CSMD1: variants seen among roughly 807,000 people sequenced by gnomAD.
The protein encoded by CSMD1 is CUB and Sushi multiple domains 1, also known as CUB and sushi domain-containing protein 1.
Under a neutral mutation model 417.5 loss-of-function variants are expected in CSMD1, and 213 were observed. The observed-to-expected ratio is 0.51, with a 90% CI of 0.46 to 0.57. The LOEUF is 0.57. Among genes scored for constraint, CSMD1 ranks in the 20% least tolerant of loss-of-function variants. The probability of loss-of-function intolerance (pLI) is 0.00; values close to 1 mark genes in which losing one functional copy is unlikely to be tolerated. For missense variants in CSMD1, 6,923 were observed against 4,529.7 expected, an observed-to-expected ratio of 1.53 and a Z score of -15.17; for synonymous variants, 2,862 against 1,736.8, an observed-to-expected ratio of 1.65 and a Z score of -16.11.
intron 1 of CSMD1, among the ~76,000 whole-genome samples, chr8:4,650,490 G>T (rs1053851234): frequency 1.3e-5 from 2 of 151,862 alleles, no homozygotes; most frequent in Non-Finnish European, 2.9e-5. Context: ...CTGTGGGCAA[G>T]AAATCAAAGC....
chr8:3,334,573 A>G (rs925836426), intron 23 of CSMD1, among the ~76,000 whole-genome samples: 2 of 152,232 alleles, frequency 1.3e-5, no homozygotes, highest in Non-Finnish European at 2.9e-5. Context: ...CCACAGCTCC[A>G]TGCTTTAATT....
rs375605190 is a variant in CSMD1, at chr8:3,110,313, A to C, written c.6453T>G (p.Thr2151=). The C allele has an allele frequency of 8.4e-5, 135 of 1,611,974 alleles. 3 individuals carry two copies. The South Asian group carries it at 1.2e-3, about 15-fold the overall frequency. The part of the protein sequence containing the change: ...RCDAPCGYNV[T]SQNGTIYSPG... ...GGGAGTAGATGGTGCCGTTCTGAGAAGTTACGTTGTACCCACAAGGGGCTG... is the reference window on the plus strand; with the variant it reads ...GGGAGTAGATGGTGCCGTTCTGAGACGTTACGTTGTACCCACAAGGGGCTG... The change falls in exon 43 of 70, where the codon ACT becomes ACG. Residue 2151 remains threonine, a synonymous_variant. Coordinates refer to ENST00000635120, the MANE Select transcript of CSMD1 (RefSeq NM_033225.6).
chr8:3,168,225 T>C (rs1820355060), intron 37 of CSMD1, among the ~76,000 whole-genome samples: 1 of 152,154 alleles, frequency 6.6e-6, no homozygotes, highest in African/African-American at 2.4e-5. Flanking sequence ...AACGCCCAGG[T>C]AGACCATGAA....
chr8:3,914,478 G>A (rs943694607), intron 5 of CSMD1, among the ~76,000 whole-genome samples: 2 of 152,136 alleles, frequency 1.3e-5, no homozygotes, highest in Non-Finnish European at 2.9e-5. Context: ...CATGTTTTGA[G>A]TAAGGACAGT....
In CSMD1 at chr8:4,765,779, G is replaced by C. The variant is rs185643443; in HGVS notation, c.86-128221C>G. Among the ~76,000 whole-genome samples the C allele has an allele frequency of 3.1e-3, 467 of 152,272 alleles. 4 individuals are homozygous for C. Among genetic ancestry groups the C allele is most frequent in the African/African-American group, 0.011 (439 of 41,564 alleles). On this transcript the variant is annotated intron_variant, in intron 1 of 69. Transcript: ENST00000635120. ...TTATTGGGATAATTTCCATAATAGA[G>C]AGAGCCTGGGGGTTGATGAAAGGTA...
intron 3 of CSMD1, among the ~76,000 whole-genome samples, chr8:4,322,974 G>C (rs1339349505): frequency 1.3e-5 from 2 of 152,190 alleles, no homozygotes; most frequent in African/African-American, 4.8e-5. Flanking sequence ...GACAGAGCGA[G>C]ACTCCGTCTC....
intron 7 of CSMD1, among the ~76,000 whole-genome samples, chr8:3,642,410 C>G (rs928233934): frequency 6.6e-6 from 1 of 152,060 alleles, no homozygotes; most frequent in South Asian, 2.1e-4. Flanking sequence ...AGTTTATAAC[C>G]TAAATTTATG....
At position 3,987,776 on chromosome 8, in the gene CSMD1, G is replaced by A. The variant is rs111571968; in HGVS notation, c.818+10127C>T. The stretch of plus-strand genomic sequence containing the variant: ...TATTGACAGGACTCAGGCCAAAGCA[G>A]GCTCTGCGCCACGTCAAGAAGCATA... On this transcript the variant is annotated intron_variant, in intron 5 of 69. Coordinates refer to ENST00000635120, the MANE Select transcript of CSMD1 (RefSeq NM_033225.6). Among the ~76,000 whole-genome samples, 584 of 152,310 alleles carry A rather than the reference G, an allele frequency of 3.8e-3. 7 individuals carry two copies. Among genetic ancestry groups the A allele is most frequent in the African/African-American group, 0.013 (530 of 41,574 alleles).
At chr8:4,498,214 CG>C (rs1563233988) in intron 2 of CSMD1, among the ~76,000 whole-genome samples, 1 of 152,090 alleles carries the variant, frequency 6.6e-6, no homozygotes, top group African/African-American at 2.4e-5. Flanking sequence ...CGGGGTTGAA[CG>C]ATGATTGTTG....
intron 1 of CSMD1, among the ~76,000 whole-genome samples, chr8:4,737,564 T>C (rs1186569971): frequency 2.0e-5 from 3 of 152,128 alleles, no homozygotes; most frequent in Non-Finnish European, 4.4e-5. Flanking sequence ...GACACGGAAG[T>C]TATTGCCAGC....
At chr8:3,238,435 T>G (rs1460918212) in intron 26 of CSMD1, among the ~76,000 whole-genome samples, 1 of 151,996 alleles carries the variant, frequency 6.6e-6, no homozygotes, top group East Asian at 1.9e-4. Flanking sequence ...ATAAGAAAAA[T>G]AAAATGAAAT....
intron 3 of CSMD1, among the ~76,000 whole-genome samples, chr8:4,230,462 C>T (rs774406480): frequency 1.1e-4 from 17 of 152,156 alleles, no homozygotes; most frequent in Non-Finnish European, 2.4e-4. Flanking sequence ...ATATCCCAAT[C>T]AATAACTATT....
chr8:4,817,037 G>C (rs554027464), intron 1 of CSMD1, among the ~76,000 whole-genome samples: 1 of 152,158 alleles, frequency 6.6e-6, no homozygotes, highest in South Asian at 2.1e-4. Flanking sequence ...GGAAATGCGT[G>C]TTAAGATTTA....
chr8:4,209,469 A>T (rs1023783666), intron 3 of CSMD1, among the ~76,000 whole-genome samples: 4 of 152,180 alleles, frequency 2.6e-5, no homozygotes, highest in Non-Finnish European at 5.9e-5. Context: ...CACATCTGCT[A>T]GTTCCCGAAC....
At chr8:4,660,962 T>C (rs1804561844) in intron 1 of CSMD1, among the ~76,000 whole-genome samples, 1 of 152,090 alleles carries the variant, frequency 6.6e-6, no homozygotes, top group Non-Finnish European at 1.5e-5. Context: ...AGAAAAATGA[T>C]AAAATCAAAA....
At chr8:3,895,457 T>C (rs1158368809) in intron 5 of CSMD1, among the ~76,000 whole-genome samples, 1 of 152,110 alleles carries the variant, frequency 6.6e-6, no homozygotes, top group African/African-American at 2.4e-5. Flanking sequence ...GTTTAAATCT[T>C]AGCAGACAAA....
intron 18 of CSMD1, among the ~76,000 whole-genome samples, chr8:3,370,928 A>G (rs1331930588): frequency 4.6e-5 from 7 of 152,174 alleles, no homozygotes; most frequent in Admixed American, 1.3e-4. Context: ...GTGAGCTGAG[A>G]TCACGCCATT....
Position 4,530,526 on chromosome 8 carries a change from G to C in CSMD1, c.302+106816C>G, listed in dbSNP as rs191160248. Among the ~76,000 whole-genome samples, 747 of 149,892 alleles carry C rather than the reference G, an allele frequency of 5.0e-3. 6 individuals carry two copies. Among genetic ancestry groups the C allele is most frequent in the African/African-American group, 0.018 (716 of 40,626 alleles). ...GACCCCCTGACAGGCCCCAGTGTGTGATGTTCCCCTCCCCGTGCCCATATG... is the reference window on the plus strand; with the variant it reads ...GACCCCCTGACAGGCCCCAGTGTGTCATGTTCCCCTCCCCGTGCCCATATG... On this transcript the variant is annotated intron_variant, in intron 2 of 69. Coordinates refer to ENST00000635120, the MANE Select transcript of CSMD1 (RefSeq NM_033225.6).
At chr8:3,001,604 T>C (rs1297978359) in intron 52 of CSMD1, among the ~76,000 whole-genome samples, 1 of 152,202 alleles carries the variant, frequency 6.6e-6, no homozygotes, top group South Asian at 2.1e-4. Flanking sequence ...ATAAAGAATA[T>C]ATTAGAAAAA....
Sources: allele counts gnomAD v4.1 joint callset (sites outside exome capture counted in the v4.1 genomes callset), GRCh38; gene constraint gnomAD v4.1.1; transcripts MANE v1.5; gene names NCBI Gene and HGNC (gene_info 2026-07-23, HGNC 2026-07-21).